COMMD1: variants seen among roughly 807,000 people sequenced by gnomAD.
The protein encoded by COMMD1 is copper metabolism domain containing 1, also known as COMM domain-containing protein 1.
Under a neutral mutation model 17.2 loss-of-function variants are expected in COMMD1, and 10 were observed. That is an observed-to-expected ratio of 0.58 (90% CI 0.36 to 0.99). COMMD1 has a LOEUF of 0.99. Ranked by LOEUF, COMMD1 falls within the 50% of genes least tolerant of loss-of-function variation. The pLI is 0.01. For synonymous variants in COMMD1, 97 were observed against 91.6 expected, an observed-to-expected ratio of 1.06 and a Z score of -0.34; for missense variants, 270 against 231.8, an observed-to-expected ratio of 1.17 and a Z score of -1.07.
At chr2:61,952,647 C>T (rs1671088172) in intron 1 of COMMD1, among the ~76,000 whole-genome samples, 2 of 152,192 alleles carry the variant, frequency 1.3e-5, no homozygotes, top group South Asian at 4.1e-4. Flanking sequence ...CTCTGCCTAG[C>T]TTCTGAGTTC....
chr2:62,005,178 G>C (rs573530941), intron 2 of COMMD1, among the ~76,000 whole-genome samples: 2 of 152,292 alleles, frequency 1.3e-5, no homozygotes, highest in East Asian at 3.9e-4. Context: ...TCAGTATCCA[G>C]GGTTGAGAAC....
chr2:61,930,643 G>C (rs1340438292), intron 1 of COMMD1, among the ~76,000 whole-genome samples: 1 of 151,886 alleles, frequency 6.6e-6, no homozygotes, highest in Non-Finnish European at 1.5e-5. Context: ...GTGTGTGTGT[G>C]TGTGTGTGTG....
chr2:62,021,289 A>G (rs186595940), intron 2 of COMMD1, among the ~76,000 whole-genome samples: 1 of 152,232 alleles, frequency 6.6e-6, no homozygotes, highest in East Asian at 1.9e-4. Flanking sequence ...TTTTTGTTCA[A>G]CTGCTCTTGA....
At chr2:62,016,795 T>C (rs180840475) in intron 2 of COMMD1, among the ~76,000 whole-genome samples, 11 of 152,340 alleles carry the variant, frequency 7.2e-5, no homozygotes, top group African/African-American at 2.4e-4. Context: ...CCAAATCCAA[T>C]GTCATGAAAC....
chr2:61,896,464 C>T (rs1043642677), intron 1 of COMMD1, among the ~76,000 whole-genome samples: 1 of 152,130 alleles, frequency 6.6e-6, no homozygotes, highest in Non-Finnish European at 1.5e-5. Context: ...ACCTGTAGTC[C>T]TAGCTACTCG....
intron 2 of COMMD1, among the ~76,000 whole-genome samples, chr2:62,008,337 A>G (rs955105452): frequency 1.3e-5 from 2 of 151,488 alleles, no homozygotes; most frequent in African/African-American, 4.9e-5. Flanking sequence ...CAGACCCACA[A>G]TCTTTCATAC....
At chr2:62,032,072 G>C (rs188414975) in intron 2 of COMMD1, among the ~76,000 whole-genome samples, 64 of 152,210 alleles carry the variant, frequency 4.2e-4, no homozygotes, top group African/African-American at 1.3e-3. Context: ...TTAAATTTTT[G>C]AAAAGTTTTG....
chr2:61,965,202 A>C (rs1427812892), intron 1 of COMMD1, among the ~76,000 whole-genome samples: 2 of 152,210 alleles, frequency 1.3e-5, no homozygotes, highest in Non-Finnish European at 2.9e-5. Flanking sequence ...ATTTTGCTAT[A>C]GATGAGTTAT....
At chr2:62,037,427 A>G (rs766152633) in intron 2 of COMMD1, among the ~76,000 whole-genome samples, 2 of 152,216 alleles carry the variant, frequency 1.3e-5, no homozygotes, top group Non-Finnish European at 2.9e-5. Context: ...CTATGTGGCC[A>G]TGATCTTTGG....
intron 1 of COMMD1, among the ~76,000 whole-genome samples, chr2:61,952,159 G>A (rs1009516284): frequency 3.3e-5 from 5 of 152,104 alleles, no homozygotes; most frequent in African/African-American, 1.2e-4. Flanking sequence ...GCTCATGATG[G>A]GAAGAATTTA....
At chr2:62,002,594 A>G (rs1668980851) in intron 2 of COMMD1, among the ~76,000 whole-genome samples, 1 of 151,058 alleles carries the variant, frequency 6.6e-6, no homozygotes, top group African/African-American at 2.4e-5. Flanking sequence ...TTGGAAGGCC[A>G]AGGCAGGTGG....
At position 62,075,391 on chromosome 2, in the gene COMMD1, G is replaced by C. The variant is rs145624466; in HGVS notation, c.463-60440G>C. Among the ~76,000 whole-genome samples, 9 of 152,232 alleles carry C rather than the reference G, an allele frequency of 5.9e-5. No homozygotes were observed. In the East Asian group the frequency reaches 1.7e-3, roughly 29 times the overall value. On this transcript the variant is annotated intron_variant, in intron 2 of 2. Coordinates refer to ENST00000311832, the MANE Select transcript of COMMD1 (RefSeq NM_152516.4). Reference sequence around the variant, plus strand: ...TTTAGAATGTCTCCAGTTTATCACAGTCGCTACCCCCACTTCCTCACTCCC... The same window carrying C: ...TTTAGAATGTCTCCAGTTTATCACACTCGCTACCCCCACTTCCTCACTCCC...
At chr2:62,124,488 G>C (rs114267378) in intron 2 of COMMD1, among the ~76,000 whole-genome samples, 2,892 of 152,226 alleles carry the variant, frequency 0.019, 43 homozygotes, top group Middle Eastern at 0.048. Context: ...AGAGGACCTG[G>C]ATAATCTCTG....
chr2:61,919,136 C>G (rs991000190), intron 1 of COMMD1, among the ~76,000 whole-genome samples: 7 of 152,048 alleles, frequency 4.6e-5, no homozygotes. Context: ...CTCAGCCTCC[C>G]GTGTAGCTGG....
chr2:61,966,526 A>G (rs112701161), intron 1 of COMMD1, among the ~76,000 whole-genome samples: 16 of 152,252 alleles, frequency 1.1e-4, no homozygotes, highest in African/African-American at 3.1e-4. Context: ...AATGTATTTC[A>G]TTTCACTTCT....
At chr2:61,986,493 A>C (rs778012507) in intron 1 of COMMD1, among the ~76,000 whole-genome samples, 4 of 139,022 alleles carry the variant, frequency 2.9e-5, no homozygotes, top group Admixed American at 7.6e-5. Context: ...TGTTTACCTT[A>C]TCTTTAAGGC....
At chr2:62,037,835 T>C (rs1670080612) in intron 2 of COMMD1, among the ~76,000 whole-genome samples, 1 of 152,234 alleles carries the variant, frequency 6.6e-6, no homozygotes, top group Non-Finnish European at 1.5e-5. Flanking sequence ...AGTAGAAAGA[T>C]CTAGGAGTTA....
chr2:61,962,745 G>T (rs1321513083), intron 1 of COMMD1, among the ~76,000 whole-genome samples: 1 of 152,120 alleles, frequency 6.6e-6, no homozygotes, highest in African/African-American at 2.4e-5. Context: ...TGATAGGTGG[G>T]TGATTTGTCC....
intron 2 of COMMD1, among the ~76,000 whole-genome samples, chr2:62,056,757 G>A (rs1336582476): frequency 6.6e-6 from 1 of 152,184 alleles, no homozygotes; most frequent in Non-Finnish European, 1.5e-5. Context: ...CATGAGTTGG[G>A]AAGGAATGGA....
Sources: allele counts gnomAD v4.1 joint callset (sites outside exome capture counted in the v4.1 genomes callset), GRCh38; gene constraint gnomAD v4.1.1; transcripts MANE v1.5; gene names NCBI Gene and HGNC (gene_info 2026-07-23, HGNC 2026-07-21).